The following KLHL3 variants were observed in gnomAD, a reference collection of about 807,000 sequenced individuals.
KLHL3 encodes kelch-like protein 3.
In KLHL3, 19 loss-of-function variants were observed where a neutral mutation model predicts 70.5. That is an observed-to-expected ratio of 0.27 (90% CI 0.19 to 0.40). The LOEUF (loss-of-function observed/expected upper bound fraction) is 0.40. Ranked by LOEUF, KLHL3 falls within the 10% of genes least tolerant of loss-of-function variation. KLHL3 has a pLI of 1.00. For missense variants in KLHL3, 512 were observed against 771.1 expected, an observed-to-expected ratio of 0.66 and a Z score of 3.98; for synonymous variants, 258 against 290.3, an observed-to-expected ratio of 0.89 and a Z score of 1.13.
At chr5:137,681,502 C>G (rs1019316910) in intron 5 of KLHL3, among the ~76,000 whole-genome samples, 1 of 152,082 alleles carries the variant, frequency 6.6e-6, no homozygotes, top group Non-Finnish European at 1.5e-5. Flanking sequence ...TAGCTAGAAC[C>G]TAGGTGATGT....
intron 8 of KLHL3, 94 bp downstream of exon 8, chr5:137,658,037 A>G: frequency 8.1e-7 from 1 of 1,240,564 alleles, no homozygotes; most frequent in South Asian, 1.5e-5. Flanking sequence ...GATGCAGGGC[A>G]GCCATGGGTG....
At position 137,682,706 on chromosome 5, in the gene KLHL3, C is replaced by T. The variant is rs563447785; in HGVS notation, c.527-5052G>A. Reference sequence around the variant, plus strand: ...ATTACATGAATCTTTCTATTCTATTCGGACTGGGAGCCCCATGAGGTCAGG... The same window carrying T: ...ATTACATGAATCTTTCTATTCTATTTGGACTGGGAGCCCCATGAGGTCAGG... On this transcript the variant is annotated intron_variant, in intron 5 of 14. Transcript: ENST00000309755. Among the ~76,000 whole-genome samples the T allele has an allele frequency of 7.2e-5, 11 of 152,250 alleles. No individual in the cohort carries two copies. The South Asian group carries it at 1.9e-3, about 26-fold the overall frequency.
intron 5 of KLHL3, among the ~76,000 whole-genome samples, chr5:137,680,865 G>A (rs1752008155): frequency 6.6e-6 from 1 of 152,092 alleles, no homozygotes. Flanking sequence ...TAACAGAGAA[G>A]ATTTTCTATA....
At chr5:137,689,036 G>A (rs1459543257) in intron 5 of KLHL3, among the ~76,000 whole-genome samples, 2 of 152,216 alleles carry the variant, frequency 1.3e-5, no homozygotes, top group Non-Finnish European at 2.9e-5. Context: ...AAACACAGAC[G>A]TTGAAAGTTG....
chr5:137,662,403 G>A (rs1751505206), intron 6 of KLHL3, among the ~76,000 whole-genome samples: 1 of 152,128 alleles, frequency 6.6e-6, no homozygotes, highest in African/African-American at 2.4e-5. Context: ...CAAATTTATA[G>A]AGGCTGCTCA....
chr5:137,652,732 G>T (rs1362893077), intron 8 of KLHL3, among the ~76,000 whole-genome samples: 1 of 152,162 alleles, frequency 6.6e-6, no homozygotes, highest in Non-Finnish European at 1.5e-5. Context: ...ATACCTTCAA[G>T]AGATTTATAG....
intron 12 of KLHL3, among the ~76,000 whole-genome samples, chr5:137,631,089 A>AAAAG (rs1554090059): frequency 3.5e-5 from 5 of 141,974 alleles, no homozygotes; most frequent in African/African-American, 1.4e-4. Flanking sequence ...AAAAAAAAAA[A>AAAAG]AGAGAGAGAG....
rs1234320567 is a variant in KLHL3 at position 137,662,000 on chromosome 5, T to C, written c.668A>G (p.Tyr223Cys). 1.2e-6 allele frequency: 2 copies of C among 1,611,394 alleles called. No homozygotes were observed. Among genetic ancestry groups the C allele is most frequent in the Admixed American group, 1.7e-5 (1 of 59,836 alleles). ...VFEAVISWIN[Y>C]EKETRLEHMA... ...GTGCTCTAAACGGGTTTCTTTCTCA[T>C]AATTGATCCATGAGATCACAGCTTC... The change falls in exon 7 of 15, where the codon TAT becomes TGT. Residue 223 changes from tyrosine (Y) to cysteine (C), a missense_variant. By Grantham distance (194) the Tyr-to-Cys change is radical (BLOSUM62 -2). Transcript: ENST00000309755.
At chr5:137,729,825 C>T (rs1170759936) in intron 1 of KLHL3, among the ~76,000 whole-genome samples, 2 of 152,086 alleles carry the variant, frequency 1.3e-5, no homozygotes, top group Non-Finnish European at 2.9e-5. Context: ...TAATGAAGAA[C>T]CTGACTCTTG....
intron 4 of KLHL3, among the ~76,000 whole-genome samples, chr5:137,693,187 G>A (rs1311098698): frequency 6.6e-6 from 1 of 152,138 alleles, no homozygotes; most frequent in East Asian, 1.9e-4. Context: ...GAGTCTACTG[G>A]AACAAGATTC....
chr5:137,666,636 T>G (rs574039281), intron 6 of KLHL3, among the ~76,000 whole-genome samples: 2 of 152,256 alleles, frequency 1.3e-5, no homozygotes, highest in Non-Finnish European at 2.9e-5. Context: ...TTGGCTTCAC[T>G]TGTGTAACTA....
chr5:137,677,788 A>T, intron 5 of KLHL3, 134 bp from the exon 6 acceptor site: 1 of 511,630 alleles, frequency 2.0e-6, no homozygotes, highest in East Asian at 3.3e-5. Context: ...AGGGAGTGAA[A>T]CAAAGACAGA....
intron 6 of KLHL3, among the ~76,000 whole-genome samples, chr5:137,669,228 A>G (rs1751689723): frequency 6.6e-6 from 1 of 152,032 alleles, no homozygotes; most frequent in Non-Finnish European, 1.5e-5. Context: ...CACATCTCTC[A>G]TTTTATAGCT....
intron 6 of KLHL3, among the ~76,000 whole-genome samples, chr5:137,669,565 C>T (rs1349198744): frequency 6.6e-6 from 1 of 152,150 alleles, no homozygotes; most frequent in Non-Finnish European, 1.5e-5. Context: ...GTAAAAAAGA[C>T]TTTCACTATG....
At chr5:137,729,759 T>A (rs1753142472) in intron 1 of KLHL3, among the ~76,000 whole-genome samples, 1 of 152,116 alleles carries the variant, frequency 6.6e-6, no homozygotes, top group Non-Finnish European at 1.5e-5. Context: ...CTAGTAAGTA[T>A]CCCAATCCTA....
At chr5:137,725,351 A>G (rs1473515722) in intron 1 of KLHL3, among the ~76,000 whole-genome samples, 2 of 152,202 alleles carry the variant, frequency 1.3e-5, no homozygotes, top group Non-Finnish European at 1.5e-5. Flanking sequence ...AGCATTTCAC[A>G]GTAAATGCCC....
At chr5:137,706,256 C>G in intron 3 of KLHL3, 1 of 985,428 alleles carries the variant, frequency 1.0e-6, no homozygotes, top group Non-Finnish European at 1.2e-6. Flanking sequence ...TGGCTTTAAA[C>G]ACACTGATAG....
At position 137,666,469 on chromosome 5, in the gene KLHL3, C is replaced by G. The variant is rs896855308; in HGVS notation, c.637-4438G>C. ...TGCTGCCTAGCACAACACAAGGTAA[C>G]TGATTGGCAAAGCTTAGCTGAAGAA... On this transcript the variant is annotated intron_variant, in intron 6 of 14. Transcript: ENST00000309755. 3.3e-5 allele frequency among the ~76,000 whole-genome samples: 5 copies of G among 152,354 alleles called. No individual in the cohort carries two copies. In the South Asian group the frequency reaches 1.0e-3, roughly 32 times the overall value.
At position 137,617,558 on chromosome 5, in the gene KLHL3, T is replaced by C. The variant is rs1229323157; in HGVS notation, c.*4540A>G. 1 of 152,238 alleles carries C rather than the reference T, an allele frequency of 6.6e-6. No homozygotes were observed. The highest frequency in any genetic ancestry group is 1.5e-5 in the Non-Finnish European group (1 of 68,042). The allele number at this position is 152,238 out of a possible 1,614,324, so 9.4% of individuals were successfully genotyped here. A position where few individuals can be genotyped will look rare whatever the true frequency, so the allele number is the denominator to read the frequency against. On this transcript the variant is annotated 3_prime_UTR_variant, in exon 15 of 15. Transcript: ENST00000309755. Reference sequence around the variant, plus strand: ...ATGGGAAATTAGAACATGATTCCTGTTAAAATAATACATTTGAGGAAATGT... The same window carrying C: ...ATGGGAAATTAGAACATGATTCCTGCTAAAATAATACATTTGAGGAAATGT...
Sources: gnomAD v4.1 joint callset for allele counts (sites outside exome capture counted in the v4.1 genomes callset) on GRCh38, gnomAD v4.1.1 for gene constraint, MANE v1.5 for transcripts, NCBI Gene and HGNC (gene_info 2026-07-23, HGNC 2026-07-21) for gene names.